The following PPFIBP1 variants were observed in gnomAD, a reference collection of about 807,000 sequenced individuals.
The protein encoded by PPFIBP1 is PPFIB scaffold protein 1, also known as liprin-beta-1.
Under a neutral mutation model 137.8 loss-of-function variants are expected in PPFIBP1, and 112 were observed. That is an observed-to-expected ratio of 0.81 (90% CI 0.70 to 0.95). The LOEUF (loss-of-function observed/expected upper bound fraction) is 0.95. PPFIBP1 is among the 40% of genes least tolerant of loss of function. PPFIBP1 has a pLI of 0.00. For missense variants in PPFIBP1, 1,083 were observed against 1,196.6 expected (o/e 0.91, Z 1.40); for synonymous variants, 378 against 417.3 (o/e 0.91, Z 1.15).
intron 4 of PPFIBP1, among the ~76,000 whole-genome samples, chr12:27,640,585 G>GC (rs2058049696): frequency 7.1e-6 from 1 of 141,612 alleles, no homozygotes; most frequent in African/African-American, 2.6e-5. Flanking sequence ...ACATGTACCC[G>GC]CCCCCCACCC....
At chr12:27,641,494 A>G (rs1483540757) in intron 4 of PPFIBP1, among the ~76,000 whole-genome samples, 1 of 152,230 alleles carries the variant, frequency 6.6e-6, no homozygotes, top group Non-Finnish European at 1.5e-5. Context: ...TGGAATGGCA[A>G]GTGCATGGGG....
chr12:27,595,451 G>A (rs1359127966), intron 2 of PPFIBP1, among the ~76,000 whole-genome samples: 2 of 152,200 alleles, frequency 1.3e-5, no homozygotes, highest in Non-Finnish European at 2.9e-5. Flanking sequence ...TTCTGAGACT[G>A]TTGGTTACCA....
chr12:27,577,639 C>A (rs192994809), intron 1 of PPFIBP1, among the ~76,000 whole-genome samples: 1 of 152,170 alleles, frequency 6.6e-6, no homozygotes, highest in African/African-American at 2.4e-5. Flanking sequence ...ATGAGTTATT[C>A]AAGAGATAAG....
intron 1 of PPFIBP1, among the ~76,000 whole-genome samples, chr12:27,553,231 A>C (rs1946958740): frequency 6.6e-6 from 1 of 152,156 alleles, no homozygotes; most frequent in East Asian, 1.9e-4. Flanking sequence ...TGACATGAAG[A>C]GAGTGAAACT....
chr12:27,651,035 C>T (rs940126905), intron 7 of PPFIBP1, among the ~76,000 whole-genome samples: 17 of 151,946 alleles, frequency 1.1e-4, no homozygotes, highest in African/African-American at 4.1e-4. Flanking sequence ...CTTATTTTTC[C>T]CTTCTGTTTT....
At chr12:27,570,381 T>C (rs879607858) in intron 1 of PPFIBP1, among the ~76,000 whole-genome samples, 1 of 152,156 alleles carries the variant, frequency 6.6e-6, no homozygotes, top group East Asian at 1.9e-4. Context: ...TGACAGATCA[T>C]ATAGCTAAAA....
intron 24 of PPFIBP1, among the ~76,000 whole-genome samples, chr12:27,686,214 CT>C (rs1182336114): frequency 2.0e-5 from 3 of 152,244 alleles, no homozygotes; most frequent in African/African-American, 7.2e-5. Flanking sequence ...AGGATTTAAA[CT>C]GATTAATATT....
chr12:27,676,941 G>T (rs753996190), intron 18 of PPFIBP1, 123 bp from the exon 19 acceptor site: 1 of 1,242,116 alleles, frequency 8.1e-7, no homozygotes, highest in Non-Finnish European at 1.2e-6. Context: ...ACTGTGTGCC[G>T]CATGCCTCTC....
At chr12:27,610,316 A>G (rs1592831039) in intron 2 of PPFIBP1, among the ~76,000 whole-genome samples, 2 of 152,274 alleles carry the variant, frequency 1.3e-5, no homozygotes, top group East Asian at 3.9e-4. Flanking sequence ...GACTAGGATG[A>G]CATTGTATGT....
At chr12:27,592,179 C>A (rs1294209824) in intron 2 of PPFIBP1, among the ~76,000 whole-genome samples, 2 of 152,166 alleles carry the variant, frequency 1.3e-5, no homozygotes, top group African/African-American at 4.8e-5. Flanking sequence ...CAGAGAGGCT[C>A]AGGTTGGAAT....
chr12:27,645,872 C>T (rs1340457540), intron 4 of PPFIBP1, among the ~76,000 whole-genome samples, 190 bp from the exon 5 acceptor site: 1 of 152,184 alleles, frequency 6.6e-6, no homozygotes, highest in Non-Finnish European at 1.5e-5. Context: ...TGCCTATATG[C>T]TTAACATGCC....
intron 1 of PPFIBP1, among the ~76,000 whole-genome samples, chr12:27,564,516 T>C (rs1462323654): frequency 6.6e-6 from 1 of 152,216 alleles, no homozygotes; most frequent in Non-Finnish European, 1.5e-5. Flanking sequence ...TTTCTGGAAG[T>C]TGAATGGCAG....
intron 10 of PPFIBP1, among the ~76,000 whole-genome samples, chr12:27,660,429 C>T (rs2059468901): frequency 1.3e-5 from 2 of 152,226 alleles, no homozygotes; most frequent in Admixed American, 1.3e-4. Context: ...GTAAATACTA[C>T]AAGCCATCAG....
chr12:27,572,724 C>T (rs558410343), intron 1 of PPFIBP1, among the ~76,000 whole-genome samples: 1 of 152,236 alleles, frequency 6.6e-6, no homozygotes, highest in South Asian at 2.1e-4. Flanking sequence ...CTAGTATTTA[C>T]AACACAGTGC....
intron 1 of PPFIBP1, among the ~76,000 whole-genome samples, chr12:27,529,013 A>C (rs565113213): frequency 2.0e-5 from 3 of 152,248 alleles, no homozygotes; most frequent in Non-Finnish European, 4.4e-5. Flanking sequence ...TGAGTTCAGA[A>C]TAGAAAGATC....
At position 27,633,467 on chromosome 12, in the gene PPFIBP1, T is replaced by A. The variant is rs760955185; in HGVS notation, c.64+7T>A. On this transcript the variant is annotated splice_region_variant and intron_variant, in intron 3 of 29. Transcript: ENST00000228425. ...ATGGATGGTATCATAGCAGGTGATC[T>A]GCATCCTGTGAAAGACAGAATCACA... 1 of 1,610,436 alleles carries A rather than the reference T, an allele frequency of 6.2e-7. No individual in the cohort carries two copies. The highest frequency in any genetic ancestry group is 1.7e-5 in the Admixed American group (1 of 59,732).
At chr12:27,663,068 T>C (rs144574455) in intron 11 of PPFIBP1, among the ~76,000 whole-genome samples, 1 of 152,320 alleles carries the variant, frequency 6.6e-6, no homozygotes, top group African/African-American at 2.4e-5. Flanking sequence ...TGTCCAGTGA[T>C]TGACAGCCTA....
Position 27,682,413 on chromosome 12 carries a change from T to A in PPFIBP1, c.2073T>A (p.His691Gln). 1 of 1,613,666 alleles carries A rather than the reference T, an allele frequency of 6.2e-7. No homozygotes were observed. Among genetic ancestry groups the A allele is most frequent in the Non-Finnish European group, 8.5e-7 (1 of 1,179,590 alleles). ...AACTTGGAATCAAGCATTCACTTCA[T>A]CGAAAGAAACTCCAGCTAGCACTCC... Reference protein sequence around the residue: ...EKELGIKHSLHRKKLQLALQA... With the variant: ...EKELGIKHSLQRKKLQLALQA... Residue 691 changes from histidine (H) to glutamine (Q), a missense_variant, in exon 23 of 30, where the codon CAT becomes CAA. By Grantham distance (24) the His-to-Gln change is conservative (BLOSUM62 0). Transcript: ENST00000228425.
rs2140393210 is a variant in PPFIBP1 at position 27,682,662 on chromosome 12, G to A, written c.2206G>A (p.Glu736Lys). ...GLPQYKTQFD[E>K]GRVDGRMLHY... ...CCCTCAATATAAGACCCAGTTTGATGAAGGACGGGTTGATGGTCGAATGCT... is the reference window on the plus strand; with the variant it reads ...CCCTCAATATAAGACCCAGTTTGATAAAGGACGGGTTGATGGTCGAATGCT... Residue 736 changes from glutamate to lysine, a missense_variant, in exon 24 of 30, where the codon GAA (glutamate) becomes AAA (lysine). Glu to Lys is a moderately conservative substitution (Grantham distance 56). Coordinates refer to ENST00000228425, the MANE Select transcript of PPFIBP1 (RefSeq NM_003622.4). 3 of 1,614,186 alleles carry A rather than the reference G, an allele frequency of 1.9e-6. 1 individual carries two copies. The South Asian group carries it at 3.3e-5, about 18-fold the overall frequency.
Sources: allele counts gnomAD v4.1 joint callset (sites outside exome capture counted in the v4.1 genomes callset), GRCh38; gene constraint gnomAD v4.1.1; transcripts MANE v1.5; gene names NCBI Gene and HGNC (gene_info 2026-07-23, HGNC 2026-07-21).